The following ABCD2 variants were observed in gnomAD, a reference collection of about 807,000 sequenced individuals.
ABCD2 encodes ATP binding cassette subfamily D member 2.
ABCD2 carries 36 observed loss-of-function variants against 70.9 expected under a neutral mutation model. The observed-to-expected ratio is 0.51, with a 90% CI of 0.39 to 0.67. The LOEUF (loss-of-function observed/expected upper bound fraction) is 0.67. Ranked by LOEUF, ABCD2 falls within the 30% of genes least tolerant of loss-of-function variation. The pLI is 0.00. For missense variants in ABCD2, 729 were observed against 890.2 expected (o/e 0.82, Z 2.30); for synonymous variants, 304 against 306.9 (o/e 0.99, Z 0.10).
chr12:39,546,282 C>T (rs1182847412), downstream of ABCD2, among the ~76,000 whole-genome samples: 1 of 131,968 alleles, frequency 7.6e-6, no homozygotes, highest in Non-Finnish European at 1.5e-5. Flanking sequence ...TTTATTTTTT[C>T]ATTCACATTT....
chr12:39,542,334 G>C, the ABCD2 span, among the ~76,000 whole-genome samples: 1 of 151,794 alleles, frequency 6.6e-6, no homozygotes, highest in African/African-American at 2.4e-5. Flanking sequence ...GTGGTGGCAC[G>C]AACCTGTAGT....
At chr12:39,594,463 G>A (rs966114958) in intron 6 of ABCD2, among the ~76,000 whole-genome samples, 7 of 152,070 alleles carry the variant, frequency 4.6e-5, no homozygotes, top group African/African-American at 1.7e-4. Flanking sequence ...GGACCCAACA[G>A]TTATCTCAAG....
chr12:39,541,335 A>G, the ABCD2 span, among the ~76,000 whole-genome samples: 1 of 152,320 alleles, frequency 6.6e-6, no homozygotes, highest in South Asian at 2.1e-4. Flanking sequence ...GGAATTGAAG[A>G]AAGAACTGCA....
At chr12:39,574,529 T>C (rs1471263259) in intron 8 of ABCD2, among the ~76,000 whole-genome samples, 3 of 152,286 alleles carry the variant, frequency 2.0e-5, no homozygotes. Context: ...ATTGTTTCCC[T>C]CTGCTTATCC....
intron 5 of ABCD2, among the ~76,000 whole-genome samples, chr12:39,602,127 T>C (rs1472580509): frequency 1.4e-5 from 2 of 145,258 alleles, no homozygotes; most frequent in Non-Finnish European, 3.0e-5. Context: ...TTTTTAAAAA[T>C]TTTATTTATT....
chr12:39,578,659 T>A (rs532176743), intron 8 of ABCD2, among the ~76,000 whole-genome samples: 1 of 151,180 alleles, frequency 6.6e-6, no homozygotes, highest in African/African-American at 2.4e-5. Flanking sequence ...CTCAAAAGGC[T>A]ATGAAGCTGG....
In ABCD2 at chr12:39,604,893, T is replaced by C; in HGVS notation, c.1274A>G (p.Asn425Ser). The change falls in exon 4 of 10, where the codon AAT becomes AGT. Residue 425 changes from asparagine to serine, a missense_variant. Transcript: ENST00000308666. ...ELAGYTARVY[N>S]MFWVFDEVKR... The stretch of plus-strand genomic sequence containing the variant: ...TACTTCATCAAAGACCCAAAACATA[T>C]TGTACACTCGAGCAGTGTAGCCTGC... The C allele has an allele frequency of 6.2e-7, 1 of 1,611,708 alleles. No homozygotes were observed. The highest frequency in any genetic ancestry group is 8.5e-7 in the Non-Finnish European group (1 of 1,178,968).
intron 2 of ABCD2, among the ~76,000 whole-genome samples, chr12:39,608,739 T>G (rs1566585516): frequency 6.6e-6 from 1 of 151,964 alleles, no homozygotes; most frequent in Non-Finnish European, 1.5e-5. Context: ...ATAAAATACC[T>G]ACTGGGCAAT....
the ABCD2 span, among the ~76,000 whole-genome samples, chr12:39,540,237 T>C: frequency 6.6e-6 from 1 of 152,264 alleles, no homozygotes. Context: ...AGTGGTGATC[T>C]GATTAATTCA....
At chr12:39,605,477 C>T (rs894489880) in intron 3 of ABCD2, among the ~76,000 whole-genome samples, 1 of 152,090 alleles carries the variant, frequency 6.6e-6, no homozygotes, top group African/African-American at 2.4e-5. Context: ...TTCCCCCAAT[C>T]CAGCTTCTTT....
downstream of ABCD2, among the ~76,000 whole-genome samples, chr12:39,549,538 T>C (rs1941059607): frequency 6.6e-6 from 1 of 151,762 alleles, no homozygotes; most frequent in Non-Finnish European, 1.5e-5. Flanking sequence ...CTCAAAACTT[T>C]TGAAAATTTG....
chr12:39,606,105 AT>A (rs1307446425), intron 3 of ABCD2, among the ~76,000 whole-genome samples: 1 of 152,230 alleles, frequency 6.6e-6, no homozygotes, highest in African/African-American at 2.4e-5. Context: ...AAATATAAAT[AT>A]TTGGGTAGAA....
intron 9 of ABCD2, among the ~76,000 whole-genome samples, chr12:39,560,501 T>G (rs1941240176): frequency 1.3e-5 from 2 of 152,118 alleles, no homozygotes; most frequent in African/African-American, 2.4e-5. Flanking sequence ...CTATTAAAAA[T>G]TATAACCATT....
At chr12:39,596,949 C>T (rs1380162604) in intron 6 of ABCD2, among the ~76,000 whole-genome samples, 2 of 152,032 alleles carry the variant, frequency 1.3e-5, no homozygotes, top group East Asian at 3.9e-4. Context: ...ATACCTAACA[C>T]AATACAAATA....
rs778277894 is a variant in ABCD2, at chr12:39,600,529, C to CAAA, written c.1646+39_1646+41dup. 1.4e-5 allele frequency: 21 copies of CAAA among 1,492,762 alleles called. No individual in the cohort carries two copies. The Admixed American group carries it at 4.6e-4, about 33-fold the overall frequency. 92.5% of individuals were successfully genotyped at this position (1,492,762 alleles called of 1,614,324 possible). Reference sequence around the variant, plus strand: ...TTGAGGAATCAAGACAATTCAAGAGCAAAAGGAAATTGTTTCTTGTAATAT... The same window carrying CAAA: ...TTGAGGAATCAAGACAATTCAAGAGCAAAAAAAGGAAATTGTTTCTTGTAATAT... On this transcript the variant is annotated intron_variant, in intron 6 of 9. Transcript: ENST00000308666.
chr12:39,568,463 G>T (rs1941393574), intron 9 of ABCD2, among the ~76,000 whole-genome samples: 3 of 152,138 alleles, frequency 2.0e-5, no homozygotes, highest in Admixed American at 6.5e-5. Context: ...CTCGTGCCAT[G>T]GTTTTCAGCT....
Position 39,607,619 on chromosome 12 carries a change from T to G in ABCD2, c.1216A>C (p.Ile406Leu). 6.2e-7 allele frequency: 1 copy of G among 1,611,742 alleles called. No homozygotes were observed. The highest frequency in any genetic ancestry group is 8.5e-7 in the Non-Finnish European group (1 of 1,178,662). Reference protein sequence around the residue: ...LASGADAIERIMSSYKEVTEL... With the variant: ...LASGADAIERLMSSYKEVTEL... ...AGTACCTCTTTGTATGAAGACATAA[T>G]CCTTTCAATAGCATCAGCTCCAGAG... Residue 406 changes from isoleucine to leucine, a missense_variant, in exon 3 of 10, where the codon ATT (isoleucine) becomes CTT (leucine). Physicochemically the swap from Ile to Leu is conservative, Grantham distance 5 (BLOSUM62 2). Coordinates refer to ENST00000308666, the MANE Select transcript of ABCD2 (RefSeq NM_005164.4).
chr12:39,584,729 T>C (rs1248484932), intron 7 of ABCD2, among the ~76,000 whole-genome samples: 1 of 152,220 alleles, frequency 6.6e-6, no homozygotes, highest in East Asian at 1.9e-4. Context: ...TTCAGTCTTC[T>C]GCATATGGCC....
Position 39,619,295 on chromosome 12 carries a change from G to A in ABCD2, c.321C>T (p.Leu107=). 1.2e-6 allele frequency: 2 copies of A among 1,614,132 alleles called. No homozygotes were observed. Among genetic ancestry groups the A allele is most frequent in the Middle Eastern group, 3.3e-4 (2 of 6,062 alleles). The part of the protein sequence containing the change: ...PKLVTTETGW[L]CLHSVALISR... ...AGATTAGAGCCACTGAGTGCAGGCA[G>A]AGCCACCCTGTTTCAGTGGTCACAA... Residue 107 remains leucine (L), a synonymous_variant, in exon 1 of 10, where the codon CTC becomes CTT. Transcript: ENST00000308666.
Sources: allele counts gnomAD v4.1 joint callset (sites outside exome capture counted in the v4.1 genomes callset), GRCh38; gene constraint gnomAD v4.1.1; transcripts MANE v1.5; gene names NCBI Gene and HGNC (gene_info 2026-07-23, HGNC 2026-07-21).